Variants in CAST observed in about 807,000 individuals in gnomAD.
CAST encodes calpastatin.
CAST carries 76 observed loss-of-function variants against 119.6 expected under a neutral mutation model. The observed-to-expected ratio is 0.64, with a 90% CI of 0.53 to 0.77. CAST has a LOEUF of 0.77. CAST is among the 30% of genes least tolerant of loss of function. CAST has a pLI of 0.00. For missense variants in CAST, 953 were observed against 946.5 expected (o/e 1.01, Z -0.09); for synonymous variants, 319 against 331.6 (o/e 0.96, Z 0.41).
the CAST span, among the ~76,000 whole-genome samples, chr5:96,362,366 G>A: frequency 6.6e-6 from 1 of 152,174 alleles, no homozygotes; most frequent in East Asian, 1.9e-4. Context: ...GGATGGCTGG[G>A]TCAAATGGTA....
At chr5:96,130,435 A>T in the CAST span, among the ~76,000 whole-genome samples, 27 of 132,444 alleles carry the variant, frequency 2.0e-4, no homozygotes, top group African/African-American at 7.7e-4. Flanking sequence ...TCAGGAACAG[A>T]AAAAGGACAT....
intron 22 of CAST, 158 bp downstream of exon 22, chr5:96,754,899 C>T (rs1313101269): frequency 2.1e-6 from 1 of 477,790 alleles, no homozygotes; most frequent in Non-Finnish European, 3.8e-6. Flanking sequence ...TGTTAGAACA[C>T]CAGATACAAA....
chr5:96,234,591 C>T, the CAST span, among the ~76,000 whole-genome samples: 1 of 152,170 alleles, frequency 6.6e-6, no homozygotes, highest in African/African-American at 2.4e-5. Flanking sequence ...TTTCCTGTTC[C>T]ACCAGCCTTG....
chr5:96,662,790 A>G (rs1394643086), intron 1 of CAST, among the ~76,000 whole-genome samples: 1 of 152,106 alleles, frequency 6.6e-6, no homozygotes, highest in East Asian at 1.9e-4. Context: ...ATGAGGATGA[A>G]CGGGGAATGA....
chr5:96,339,926 G>A, the CAST span, among the ~76,000 whole-genome samples: 2 of 152,126 alleles, frequency 1.3e-5, no homozygotes, highest in Admixed American at 6.5e-5. Flanking sequence ...CAGGCTATAG[G>A]TGGAAAGAGA....
intron 3 of CAST, 21 bp from the exon 4 acceptor site, chr5:96,722,618 A>G (rs1000978137): frequency 4.4e-6 from 7 of 1,589,986 alleles, no homozygotes; most frequent in Middle Eastern, 1.7e-4. Context: ...CGAACTTTCT[A>G]TTTCTTTCTT....
chr5:96,583,994 A>G (rs1746809321), intron 1 of CAST, among the ~76,000 whole-genome samples: 1 of 152,088 alleles, frequency 6.6e-6, no homozygotes, highest in African/African-American at 2.4e-5. Context: ...AATGTTAACC[A>G]TGGGTTGCCA....
chr5:96,261,499 C>A, the CAST span, among the ~76,000 whole-genome samples: 1 of 152,132 alleles, frequency 6.6e-6, no homozygotes, highest in South Asian at 2.1e-4. Context: ...AACAATTGAT[C>A]TACAATAACA....
intron 1 of CAST, among the ~76,000 whole-genome samples, chr5:96,603,733 C>A (rs1221490100): frequency 6.8e-6 from 1 of 146,890 alleles, no homozygotes; most frequent in Non-Finnish European, 1.5e-5. Flanking sequence ...GTATTATGTA[C>A]TGTACATCAT....
intron 1 of CAST, among the ~76,000 whole-genome samples, chr5:96,554,593 G>T (rs2150182934): frequency 6.6e-6 from 1 of 152,280 alleles, no homozygotes; most frequent in Admixed American, 6.5e-5. Flanking sequence ...CACAGCAAAA[G>T]AAACTATCAT....
the CAST span, among the ~76,000 whole-genome samples, chr5:96,367,564 G>T: frequency 6.6e-6 from 1 of 152,078 alleles, no homozygotes; most frequent in Non-Finnish European, 1.5e-5. Flanking sequence ...CTTGCAGTTC[G>T]ATCTCAGACT....
At chr5:96,729,807 A>G in intron 8 of CAST, 82 bp downstream of exon 8, 1 of 725,626 alleles carries the variant, frequency 1.4e-6, no homozygotes, top group South Asian at 1.5e-5. Flanking sequence ...TGAGGTGTGT[A>G]GTTCAATCTA....
the CAST span, among the ~76,000 whole-genome samples, chr5:96,370,304 G>T: frequency 6.6e-6 from 1 of 151,988 alleles, no homozygotes; most frequent in African/African-American, 2.4e-5. Context: ...AGAGATTCTG[G>T]GGATGAAACA....
At chr5:96,191,275 T>C in the CAST span, among the ~76,000 whole-genome samples, 27 of 152,218 alleles carry the variant, frequency 1.8e-4, 1 homozygote, top group African/African-American at 6.3e-4. Flanking sequence ...AAAACTACCA[T>C]GGCCTGAGGC....
the CAST span, among the ~76,000 whole-genome samples, chr5:96,495,348 C>T: frequency 1.3e-5 from 2 of 152,014 alleles, no homozygotes; most frequent in Non-Finnish European, 2.9e-5. Flanking sequence ...TCTGCTGCAC[C>T]TATCAACCCG....
the CAST span, among the ~76,000 whole-genome samples, chr5:96,497,873 C>A: frequency 4.6e-5 from 7 of 152,120 alleles, no homozygotes; most frequent in Non-Finnish European, 1.0e-4. Flanking sequence ...TAATTAGATC[C>A]CATTTGTCAA....
chr5:96,687,163 G>A (rs148558906), intron 2 of CAST, among the ~76,000 whole-genome samples: 207 of 152,298 alleles, frequency 1.4e-3, no homozygotes, highest in African/African-American at 4.1e-3. Context: ...TAAGGCCAGC[G>A]GGTGATCAGA....
chr5:96,253,799 T>C, the CAST span, among the ~76,000 whole-genome samples: 1 of 152,132 alleles, frequency 6.6e-6, no homozygotes, highest in Non-Finnish European at 1.5e-5. Flanking sequence ...TGAAATGTAA[T>C]AATTTGAATA....
intron 11 of CAST, among the ~76,000 whole-genome samples, chr5:96,738,759 C>G (rs1432624367): frequency 6.6e-6 from 1 of 151,906 alleles, no homozygotes; most frequent in Non-Finnish European, 1.5e-5. Flanking sequence ...ATGGTGAAAC[C>G]CTGTCTCTAC....
Sources: gnomAD v4.1 joint callset for allele counts (sites outside exome capture counted in the v4.1 genomes callset) on GRCh38, gnomAD v4.1.1 for gene constraint, MANE v1.5 for transcripts, NCBI Gene and HGNC (gene_info 2026-07-23, HGNC 2026-07-21) for gene names.